PDE1C: variants seen among roughly 807,000 people sequenced by gnomAD.
PDE1C encodes dual specificity calcium/calmodulin-dependent 3',5'-cyclic nucleotide phosphodiesterase 1C.
In PDE1C, 62 loss-of-function variants were observed where a neutral mutation model predicts 93.1. The observed-to-expected ratio is 0.67, with a 90% CI of 0.54 to 0.82. The LOEUF is 0.82. PDE1C is among the 40% of genes least tolerant of loss of function. The probability of loss-of-function intolerance (pLI) is 0.00; values close to 1 mark genes in which losing one functional copy is unlikely to be tolerated. For missense variants in PDE1C, 742 were observed against 884.6 expected (o/e 0.84, Z 2.04); for synonymous variants, 325 against 310.1 (o/e 1.05, Z -0.50).
intron 1 of PDE1C, among the ~76,000 whole-genome samples, chr7:32,054,638 A>C (rs539045484): frequency 2.6e-5 from 4 of 152,282 alleles, no homozygotes; most frequent in Non-Finnish European, 4.4e-5. Context: ...GACCCAAAGA[A>C]AGACAGACCA....
At chr7:32,274,169 C>A (rs1811140773) in intron 1 of PDE1C, among the ~76,000 whole-genome samples, 1 of 151,682 alleles carries the variant, frequency 6.6e-6, no homozygotes, top group South Asian at 2.1e-4. Context: ...CACAGAACCC[C>A]AATATGGATA....
chr7:32,107,972 A>G (rs1162835952), intron 3 of PDE1C, among the ~76,000 whole-genome samples: 1 of 151,804 alleles, frequency 6.6e-6, no homozygotes, highest in East Asian at 1.9e-4. Context: ...ATTCTAGGGC[A>G]ATCAAAAAGA....
intron 1 of PDE1C, among the ~76,000 whole-genome samples, chr7:32,237,306 C>T (rs1173514949): frequency 1.4e-5 from 2 of 145,526 alleles, no homozygotes; most frequent in African/African-American, 5.2e-5. Context: ...CTAGGATGGT[C>T]TCGATCTCCT....
chr7:31,659,163 T>A, the PDE1C span, among the ~76,000 whole-genome samples: 321 of 151,552 alleles, frequency 2.1e-3, 2 homozygotes, highest in African/African-American at 6.5e-3. Context: ...ATATATATAT[T>A]TTTTAAAGTC....
the PDE1C span, among the ~76,000 whole-genome samples, chr7:31,728,332 A>G: frequency 6.6e-6 from 1 of 152,256 alleles, no homozygotes; most frequent in East Asian, 1.9e-4. Context: ...CATTTCTCTA[A>G]TGGGTGAAGA....
rs1429117951 is a variant in PDE1C at position 32,273,449 on chromosome 7, A to C, written c.85+25202T>G. 5.3e-5 allele frequency among the ~76,000 whole-genome samples: 8 copies of C among 152,234 alleles called. No homozygotes were observed. The East Asian group carries it at 1.5e-3, about 29-fold the overall frequency. Reference sequence around the variant, plus strand: ...GTAAAAGTATGGCTGGGCTACCCCAAAGGACAGTCATCCCACTATTTCTTT... The same window carrying C: ...GTAAAAGTATGGCTGGGCTACCCCACAGGACAGTCATCCCACTATTTCTTT... On this transcript the variant is annotated intron_variant, in intron 1 of 18. Transcript: ENST00000396193.
chr7:32,234,606 G>A (rs1407694182), intron 1 of PDE1C, among the ~76,000 whole-genome samples: 2 of 151,950 alleles, frequency 1.3e-5, no homozygotes, highest in African/African-American at 4.8e-5. Context: ...AACTATTAAA[G>A]TAGTTGAATT....
chr7:31,709,488 A>C, the PDE1C span, among the ~76,000 whole-genome samples: 1 of 152,332 alleles, frequency 6.6e-6, no homozygotes, highest in South Asian at 2.1e-4. Context: ...TTCTATTGCC[A>C]AATCCCCATT....
intron 1 of PDE1C, among the ~76,000 whole-genome samples, chr7:32,343,224 G>A (rs1426718915): frequency 1.3e-5 from 2 of 152,198 alleles, no homozygotes; most frequent in African/African-American, 4.8e-5. Context: ...GTTTTTCTGA[G>A]GGAGGCAGGA....
At chr7:32,268,371 T>G (rs1398939539) in intron 1 of PDE1C, among the ~76,000 whole-genome samples, 1 of 152,166 alleles carries the variant, frequency 6.6e-6, no homozygotes, top group Non-Finnish European at 1.5e-5. Flanking sequence ...CGCCTCAGTT[T>G]CTCTACTAGA....
At chr7:32,348,095 G>A (rs73316177) in intron 1 of PDE1C, among the ~76,000 whole-genome samples, 194 of 152,244 alleles carry the variant, frequency 1.3e-3, no homozygotes, top group African/African-American at 3.6e-3. Flanking sequence ...TGTGGCAACC[G>A]TTGTTTACTA....
At chr7:32,159,857 T>G (rs146347622) in intron 3 of PDE1C, among the ~76,000 whole-genome samples, 23 of 152,238 alleles carry the variant, frequency 1.5e-4, no homozygotes, top group Middle Eastern at 3.4e-3. Flanking sequence ...GTTTTAGCTT[T>G]GCCAGGTTGT....
intron 1 of PDE1C, among the ~76,000 whole-genome samples, chr7:32,281,237 G>T (rs968945366): frequency 3.9e-5 from 6 of 152,070 alleles, no homozygotes; most frequent in African/African-American, 1.4e-4. Context: ...GTTCAATGTA[G>T]AAGTTTTTCT....
intron 3 of PDE1C, among the ~76,000 whole-genome samples, chr7:32,148,072 C>T (rs1379510092): frequency 6.8e-6 from 1 of 147,792 alleles, no homozygotes; most frequent in Non-Finnish European, 1.5e-5. Flanking sequence ...TCCAAGAAGC[C>T]TTGCTGAACT....
chr7:31,948,064 G>A (rs1418816213), intron 2 of PDE1C, among the ~76,000 whole-genome samples: 1 of 152,164 alleles, frequency 6.6e-6, no homozygotes, highest in African/African-American at 2.4e-5. Context: ...AGATGGTGCT[G>A]GTTATTCCCC....
chr7:31,892,570 C>T (rs1173389037), intron 2 of PDE1C, among the ~76,000 whole-genome samples: 4 of 152,152 alleles, frequency 2.6e-5, no homozygotes, highest in African/African-American at 4.8e-5. Flanking sequence ...GGTGGCTTCA[C>T]TATGGCAGGC....
chr7:31,950,510 G>T (rs116226716), intron 2 of PDE1C, among the ~76,000 whole-genome samples: 1 of 152,132 alleles, frequency 6.6e-6, no homozygotes, highest in Admixed American at 6.5e-5. Flanking sequence ...CTGCCACAAC[G>T]CTAACCACTT....
chr7:31,815,895 G>A, intron 15 of PDE1C, 29 bp downstream of exon 15: 3 of 1,489,066 alleles, frequency 2.0e-6, no homozygotes, highest in Non-Finnish European at 2.8e-6. Flanking sequence ...GCCGCGAAAA[G>A]AGCCCTTCAC....
intron 1 of PDE1C, among the ~76,000 whole-genome samples, chr7:32,297,625 G>A (rs1009569128): frequency 6.6e-6 from 1 of 152,152 alleles, no homozygotes; most frequent in Admixed American, 6.5e-5. Flanking sequence ...TAGGCCTCCA[G>A]AGGGTCAACC....
Sources: allele counts gnomAD v4.1 joint callset (sites outside exome capture counted in the v4.1 genomes callset), GRCh38; gene constraint gnomAD v4.1.1; transcripts MANE v1.5; gene names NCBI Gene and HGNC (gene_info 2026-07-23, HGNC 2026-07-21).